Variants in GRM1 observed in about 807,000 individuals in gnomAD.
GRM1 encodes metabotropic glutamate receptor 1.
Under a neutral mutation model 90.9 loss-of-function variants are expected in GRM1, and 33 were observed. The ratio of observed to expected loss-of-function variants is 0.36; its 90% CI spans 0.28 to 0.49. GRM1 has a LOEUF of 0.49. Among genes scored for constraint, GRM1 ranks in the 20% least tolerant of loss-of-function variants. The pLI is 0.99. For synonymous variants in GRM1, 700 were observed against 613.2 expected (o/e 1.14, Z -2.09); for missense variants, 1,190 against 1,534.3 (o/e 0.78, Z 3.75).
At chr6:146,054,479 G>A (rs947304637) in intron 1 of GRM1, among the ~76,000 whole-genome samples, 7 of 152,018 alleles carry the variant, frequency 4.6e-5, no homozygotes, top group Non-Finnish European at 1.0e-4. Flanking sequence ...TTCCTGACCA[G>A]CTTTCCCTTT....
intron 2 of GRM1, among the ~76,000 whole-genome samples, chr6:146,254,427 A>G (rs963280575): frequency 3.9e-5 from 6 of 152,210 alleles, no homozygotes; most frequent in Admixed American, 3.3e-4. Context: ...CTGAGAAGGA[A>G]GAATGGATTC....
rs937332775 is a variant in GRM1 at position 146,372,366 on chromosome 6, C to G, written c.1603-14524C>G. Among the ~76,000 whole-genome samples, 14 of 152,044 alleles carry G rather than the reference C, an allele frequency of 9.2e-5. No individual in the cohort carries two copies. In the East Asian group the frequency reaches 2.7e-3, roughly 29 times the overall value. On this transcript the variant is annotated intron_variant, in intron 5 of 7. Coordinates refer to ENST00000282753, the MANE Select transcript of GRM1 (RefSeq NM_001278064.2). ...TCCTTATACATTCTGGTTATTAATTCCTTCCTAGATGGGTAGTTTGCAAAT... is the reference window on the plus strand; with the variant it reads ...TCCTTATACATTCTGGTTATTAATTGCTTCCTAGATGGGTAGTTTGCAAAT...
chr6:146,177,497 C>T (rs1259026930), intron 2 of GRM1, among the ~76,000 whole-genome samples: 1 of 151,948 alleles, frequency 6.6e-6, no homozygotes, highest in Non-Finnish European at 1.5e-5. Flanking sequence ...ACTCAATGTT[C>T]TTAAATTCCT....
At chr6:146,114,275 TACTC>T (rs746422351) in intron 1 of GRM1, among the ~76,000 whole-genome samples, 46 of 152,334 alleles carry the variant, frequency 3.0e-4, no homozygotes, top group Admixed American at 9.8e-4. Context: ...AAATAATCAA[TACTC>T]AAAGTTACAA....
intron 1 of GRM1, among the ~76,000 whole-genome samples, chr6:146,085,986 G>A (rs1196553944): frequency 6.6e-6 from 1 of 152,136 alleles, no homozygotes; most frequent in Non-Finnish European, 1.5e-5. Context: ...TACTCTATGT[G>A]ACGGGGATAT....
rs189954734 is a variant in GRM1, at chr6:146,109,873, T to C, written c.701-49475T>C. 3.9e-4 allele frequency among the ~76,000 whole-genome samples: 60 copies of C among 152,344 alleles called. No individual in the cohort carries two copies. In the East Asian group the frequency reaches 0.011, roughly 28 times the overall value. On this transcript the variant is annotated intron_variant, in intron 1 of 7. Transcript: ENST00000282753. ...GAGATCATTTTGGAGCTTTAAGATT[T>C]GACTGCCCTGCTGGATTTCTGGCTT...
intron 1 of GRM1, among the ~76,000 whole-genome samples, chr6:146,098,189 A>G (rs1005721165): frequency 5.7e-4 from 87 of 152,318 alleles, no homozygotes; most frequent in African/African-American, 2.0e-3. Context: ...AGACAATGAA[A>G]TATCTAAGAT....
At position 146,102,319 on chromosome 6, in the gene GRM1, C is replaced by A. The variant is rs570151291; in HGVS notation, c.701-57029C>A. On this transcript the variant is annotated intron_variant, in intron 1 of 7. Coordinates refer to ENST00000282753, the MANE Select transcript of GRM1 (RefSeq NM_001278064.2). ...ATTATATCTAAGACCTAGCATGGTG[C>A]CTGTCTTGTAACTATTGAATGGTAA... Among the ~76,000 whole-genome samples, 9 of 152,294 alleles carry A rather than the reference C, an allele frequency of 5.9e-5. No homozygotes were observed. In the South Asian group the frequency reaches 1.9e-3, roughly 32 times the overall value.
intron 1 of GRM1, among the ~76,000 whole-genome samples, chr6:146,130,585 C>T (rs1442439412): frequency 1.3e-5 from 2 of 151,772 alleles, no homozygotes; most frequent in East Asian, 1.9e-4. Context: ...GTGAACTCAC[C>T]GTTTACTATA....
At chr6:146,424,033 A>G (rs930915033) in intron 7 of GRM1, among the ~76,000 whole-genome samples, 3 of 152,180 alleles carry the variant, frequency 2.0e-5, no homozygotes, top group Admixed American at 6.5e-5. Flanking sequence ...ACAGGCTGCC[A>G]GGTTCCTCTC....
chr6:146,116,634 T>A (rs1775759251), intron 1 of GRM1, among the ~76,000 whole-genome samples: 1 of 152,160 alleles, frequency 6.6e-6, no homozygotes, highest in South Asian at 2.1e-4. Flanking sequence ...TTTTATAGAA[T>A]CAAAGAATGT....
chr6:146,304,130 G>A (rs769553118), intron 2 of GRM1, among the ~76,000 whole-genome samples: 5 of 152,134 alleles, frequency 3.3e-5, no homozygotes, highest in Non-Finnish European at 7.3e-5. Context: ...ACTGTGGTTG[G>A]CATGTTTCAG....
intron 2 of GRM1, among the ~76,000 whole-genome samples, chr6:146,268,808 G>A (rs1045894493): frequency 1.3e-5 from 2 of 152,238 alleles, no homozygotes; most frequent in Non-Finnish European, 2.9e-5. Context: ...AATAGCCAAA[G>A]CAATTTTGAG....
chr6:146,049,052 T>TA (rs11421228), intron 1 of GRM1, among the ~76,000 whole-genome samples: 7,207 of 148,176 alleles, frequency 0.049, 490 homozygotes, highest in African/African-American at 0.15. Flanking sequence ...CTGCATGTGC[T>TA]AAAAAAAAAA....
intron 2 of GRM1, among the ~76,000 whole-genome samples, chr6:146,249,118 G>A (rs1781180836): frequency 6.6e-6 from 1 of 152,190 alleles, no homozygotes; most frequent in African/African-American, 2.4e-5. Flanking sequence ...GTTTGAGAAG[G>A]AAGCAGAGCA....
chr6:146,105,298 T>C (rs1338140864), intron 1 of GRM1, among the ~76,000 whole-genome samples: 1 of 152,210 alleles, frequency 6.6e-6, no homozygotes, highest in Non-Finnish European at 1.5e-5. Context: ...TAGAAAAAGA[T>C]AATGTAGCCC....
chr6:146,412,063 A>T (rs914934530), intron 7 of GRM1, among the ~76,000 whole-genome samples: 1 of 152,130 alleles, frequency 6.6e-6, no homozygotes, highest in African/African-American at 2.4e-5. Flanking sequence ...TGAACCTTGT[A>T]ACCCTCCATC....
intron 7 of GRM1, among the ~76,000 whole-genome samples, chr6:146,424,927 C>G (rs1778142166): frequency 6.6e-6 from 1 of 152,198 alleles, no homozygotes. Context: ...CTAACATTTA[C>G]ATTGTTTTAA....
intron 2 of GRM1, among the ~76,000 whole-genome samples, chr6:146,260,436 A>G (rs547406846): frequency 1.2e-4 from 19 of 152,124 alleles, no homozygotes; most frequent in Non-Finnish European, 1.9e-4. Context: ...AGTCTTTGCT[A>G]TTGTGAATAG....
Sources: allele counts gnomAD v4.1 joint callset (sites outside exome capture counted in the v4.1 genomes callset), GRCh38; gene constraint gnomAD v4.1.1; transcripts MANE v1.5; gene names NCBI Gene and HGNC (gene_info 2026-07-23, HGNC 2026-07-21).